Variants in COL4A2 observed in about 807,000 individuals in gnomAD.
COL4A2 encodes collagen type IV alpha 2 chain.
A neutral mutation model predicts 200.2 loss-of-function variants in COL4A2; 99 were observed. That is an observed-to-expected ratio of 0.49 (90% CI 0.42 to 0.58). The LOEUF (loss-of-function observed/expected upper bound fraction) is 0.58. COL4A2 is among the 20% of genes least tolerant of loss of function. COL4A2 has a pLI of 0.00. For synonymous variants in COL4A2, 897 were observed against 900.6 expected, an observed-to-expected ratio of 1.00 and a Z score of 0.07; for missense variants, 1,950 against 2,314.1, an observed-to-expected ratio of 0.84 and a Z score of 3.23.
chr13:110,344,080 T>G (rs1251224016), intron 3 of COL4A2, among the ~76,000 whole-genome samples: 1 of 152,166 alleles, frequency 6.6e-6, no homozygotes, highest in Non-Finnish European at 1.5e-5. Context: ...GATGTCTCGG[T>G]GAACTCTCTC....
chr13:110,354,891 C>CA (rs1877124921), intron 3 of COL4A2, among the ~76,000 whole-genome samples: 1 of 152,186 alleles, frequency 6.6e-6, no homozygotes, highest in South Asian at 2.1e-4. Context: ...TGCTGGGCGG[C>CA]AGTGGCAGAG....
chr13:110,506,916 T>A (rs117314962), intron 46 of COL4A2, among the ~76,000 whole-genome samples: 2,487 of 152,136 alleles, frequency 0.016, 28 homozygotes, highest in Non-Finnish European at 0.025. Context: ...TTACTTCACC[T>A]CCTTCTTGTT....
At chr13:110,435,957 T>C (rs1880854967) in intron 12 of COL4A2, among the ~76,000 whole-genome samples, 1 of 152,116 alleles carries the variant, frequency 6.6e-6, no homozygotes, top group African/African-American at 2.4e-5. Flanking sequence ...TCAGCCCTCA[T>C]ACCTAATAAT....
At chr13:110,340,031 G>A (rs930693795) in intron 3 of COL4A2, among the ~76,000 whole-genome samples, 19 of 152,384 alleles carry the variant, frequency 1.2e-4, no homozygotes, top group South Asian at 8.3e-4. Flanking sequence ...GTGGGTGACA[G>A]GTAGAGTGGA....
At chr13:110,422,634 A>C (rs1594205270) in intron 4 of COL4A2, among the ~76,000 whole-genome samples, 2 of 152,330 alleles carry the variant, frequency 1.3e-5, no homozygotes, top group Non-Finnish European at 2.9e-5. Context: ...GGTTACCCTG[A>C]GGGAGATTTC....
intron 3 of COL4A2, among the ~76,000 whole-genome samples, chr13:110,357,079 A>G (rs1415177806): frequency 3.9e-5 from 6 of 152,116 alleles, no homozygotes; most frequent in African/African-American, 2.4e-5. Context: ...AGAACTATTT[A>G]AAGACTCCTT....
At chr13:110,493,345 T>A in intron 39 of COL4A2, 63 bp downstream of exon 39, 1 of 1,550,670 alleles carries the variant, frequency 6.4e-7, no homozygotes, top group Non-Finnish European at 8.9e-7. Context: ...GACTCTGTGC[T>A]GAGTCTGCCC....
Position 110,458,947 on chromosome 13 carries a change from T to A in COL4A2, c.1596+13T>A. On this transcript the variant is annotated intron_variant, in intron 22 of 47. Coordinates refer to ENST00000360467, the MANE Select transcript of COL4A2 (RefSeq NM_001846.4). ...CCCAGGGCTCAAGGTGAGGAGCAAT[T>A]TCATCATGAAGCTGGCAAGACACTC... is the stretch of plus-strand genomic sequence containing the variant. 6.5e-7 allele frequency: 1 copy of A among 1,534,692 alleles called. No homozygotes were observed. The highest frequency in any genetic ancestry group is 2.3e-5 in the East Asian group (1 of 43,398).
intron 3 of COL4A2, among the ~76,000 whole-genome samples, chr13:110,339,098 A>T (rs1465468024): frequency 6.6e-6 from 1 of 152,158 alleles, no homozygotes; most frequent in Non-Finnish European, 1.5e-5. Flanking sequence ...TTAAGAAACT[A>T]TTTTTTCACG....
chr13:110,421,315 G>A (rs1212217108), intron 4 of COL4A2, among the ~76,000 whole-genome samples: 1 of 152,198 alleles, frequency 6.6e-6, no homozygotes, highest in Non-Finnish European at 1.5e-5. Flanking sequence ...CATATTCACA[G>A]CAGCGCTATC....
intron 18 of COL4A2, among the ~76,000 whole-genome samples, chr13:110,447,513 CAACTAGAGCACTT>C (rs1881373039): frequency 6.6e-6 from 1 of 152,138 alleles, no homozygotes; most frequent in Admixed American, 6.5e-5. Flanking sequence ...CCTAGTCCTG[CAACTAGAGCACTT>C]GGCTCTGAAC....
chr13:110,353,781 A>T (rs1281863514), intron 3 of COL4A2, among the ~76,000 whole-genome samples: 1 of 152,188 alleles, frequency 6.6e-6, no homozygotes, highest in Non-Finnish European at 1.5e-5. Flanking sequence ...ACATACACAC[A>T]TGCACGTGCG....
chr13:110,381,706 G>A (rs561389478), intron 4 of COL4A2, among the ~76,000 whole-genome samples: 56 of 152,310 alleles, frequency 3.7e-4, no homozygotes, highest in African/African-American at 1.3e-3. Context: ...GACCCTGGAC[G>A]CAGTCTGGGA....
At chr13:110,319,114 G>C (rs558569843) in intron 3 of COL4A2, among the ~76,000 whole-genome samples, 2 of 151,700 alleles carry the variant, frequency 1.3e-5, no homozygotes, top group Admixed American at 6.6e-5. Context: ...TGGTGGGTGC[G>C]GGGGCCTGTG....
chr13:110,357,537 T>G lies in COL4A2; in HGVS notation c.165T>G (p.Pro55=), dbSNP rs1877332164. The G allele has an allele frequency of 7.6e-6, 12 of 1,585,384 alleles. No individual in the cohort carries two copies. Among genetic ancestry groups the G allele is most frequent in the Non-Finnish European group, 9.5e-6 (11 of 1,163,278 alleles). ...GCAGTGGGGGCTGCCAGTGCTACCC[T>G]GAGAAAGGTGGACGTGTAAGTCACA... ...RDCSGGCQCY[P]EKGGRGQPGP... The change falls in exon 4 of 48, where the codon CCT becomes CCG. Residue 55 remains proline, a synonymous_variant. Coordinates refer to ENST00000360467, the MANE Select transcript of COL4A2 (RefSeq NM_001846.4).
chr13:110,411,749 T>A lies in COL4A2; in HGVS notation c.181-12985T>A, dbSNP rs577102181. On this transcript the variant is annotated intron_variant, in intron 4 of 47. Transcript: ENST00000360467. ...GCTTCAGGAAGATCAGTGGAAAAGA[T>A]GTATTCAGAGTCCAAGGTCATGTCT... Among the ~76,000 whole-genome samples the A allele has an allele frequency of 2.0e-5, 3 of 152,340 alleles. No homozygotes were observed. In the South Asian group the frequency reaches 6.2e-4, roughly 32 times the overall value.
intron 26 of COL4A2, 87 bp from the exon 27 acceptor site, chr13:110,466,953 C>T (rs1882264405): frequency 1.7e-5 from 26 of 1,558,198 alleles, no homozygotes; most frequent in Admixed American, 3.5e-5. Context: ...TTGCACAGCT[C>T]GTGCTTTTGC....
chr13:110,395,765 C>T (rs1001757606), intron 4 of COL4A2, among the ~76,000 whole-genome samples: 4 of 151,980 alleles, frequency 2.6e-5, no homozygotes, highest in East Asian at 1.9e-4. Context: ...GCCAATATGA[C>T]GAAACTCCGT....
At chr13:110,332,529 G>C (rs1453358478) in intron 3 of COL4A2, among the ~76,000 whole-genome samples, 3 of 152,190 alleles carry the variant, frequency 2.0e-5, no homozygotes, top group Non-Finnish European at 4.4e-5. Flanking sequence ...TTCTTCTAGA[G>C]CACTTTTCCT....
Sources: allele counts gnomAD v4.1 joint callset (sites outside exome capture counted in the v4.1 genomes callset), GRCh38; gene constraint gnomAD v4.1.1; transcripts MANE v1.5; gene names NCBI Gene and HGNC (gene_info 2026-07-23, HGNC 2026-07-21).